TP53I13: variants seen among roughly 807,000 people sequenced by gnomAD.
TP53I13 encodes tumor protein p53-inducible protein 13.
A neutral mutation model predicts 39.1 loss-of-function variants in TP53I13; 27 were observed. That is an observed-to-expected ratio of 0.69 (90% confidence interval 0.51 to 0.95). TP53I13 has a LOEUF of 0.95. TP53I13 is among the 40% of genes least tolerant of loss of function. The probability of loss-of-function intolerance (pLI) is 0.00; values close to 1 mark genes in which losing one functional copy is unlikely to be tolerated. For synonymous variants in TP53I13, 230 were observed against 224.6 expected, an observed-to-expected ratio of 1.02 and a Z score of -0.22; for missense variants, 544 against 520.4, an observed-to-expected ratio of 1.05 and a Z score of -0.44.
chr17:29,575,730 A>C, downstream of TP53I13: 1 of 1,611,576 alleles, frequency 6.2e-7, no homozygotes, highest in Non-Finnish European at 8.5e-7. This position sits in a 1 kb window ranked among gnomAD's most constrained non-coding sequence, Gnocchi z 5.5. Flanking sequence ...AGGGGCTGTG[A>C]GCGCCGTGTT....
chr17:29,575,572 C>A (rs2033163264), downstream of TP53I13: 4 of 1,580,784 alleles, frequency 2.5e-6, no homozygotes, highest in African/African-American at 4.0e-5. The surrounding 1 kb of genome is among the most constrained non-coding windows in gnomAD (Gnocchi z 5.5). Context: ...TGGGGGCCCT[C>A]TCAACCTCCC....
At chr17:29,578,672 G>A in the TP53I13 span, 4 of 1,411,788 alleles carry the variant, frequency 2.8e-6, no homozygotes, top group Non-Finnish European at 4.0e-6. Flanking sequence ...AAGAGCAGAG[G>A]GTGGGGGATC....
In TP53I13 at chr17:29,573,039, C is replaced by A; in HGVS notation, c.*115C>A. On this transcript the variant is annotated 3_prime_UTR_variant, in exon 7 of 7. Transcript: ENST00000301057. ...CTGGTGGCGATGGCGCGGCACTGGC[C>A]GAGCACTGCGGGGGCTTTCCTCCTT... The A allele has an allele frequency of 3.6e-6, 3 of 836,588 alleles. No individual in the cohort carries two copies. Among genetic ancestry groups the A allele is most frequent in the Non-Finnish European group, 1.7e-6 (1 of 602,316 alleles). 51.8% of individuals were successfully genotyped at this position (836,588 alleles called of 1,614,324 possible). A position where few individuals can be genotyped will look rare whatever the true frequency, so the allele number is the denominator to read the frequency against.
downstream of TP53I13, chr17:29,575,753 C>A (rs2033169845): frequency 1.3e-6 from 2 of 1,599,668 alleles, no homozygotes; most frequent in South Asian, 1.1e-5. The surrounding 1 kb of genome is among the most constrained non-coding windows in gnomAD (Gnocchi z 5.5). Flanking sequence ...TGGACCCACA[C>A]TGCCCCTAGC....
chr17:29,573,104 C>T lies in TP53I13; in HGVS notation c.*180C>T, dbSNP rs890612807. On this transcript the variant is annotated 3_prime_UTR_variant, in exon 7 of 7. Transcript: ENST00000301057. The stretch of plus-strand genomic sequence containing the variant: ...GGGCGGCCAAGGGGAGAAAAGGAGC[C>T]GCTTCTGCCTCCCTTGCCAAAACTC... 3 of 451,998 alleles carry T rather than the reference C, an allele frequency of 6.6e-6. No individual in the cohort carries two copies. Among genetic ancestry groups the T allele is most frequent in the African/African-American group, 6.2e-5 (3 of 48,470 alleles). The allele number at this position is 451,998 out of a possible 1,614,324, so 28.0% of individuals were successfully genotyped here. A position where few individuals can be genotyped will look rare whatever the true frequency, so the allele number is the denominator to read the frequency against.
At chr17:29,574,846 A>G, downstream of TP53I13, 1 of 1,602,334 alleles carries the variant, frequency 6.2e-7, no homozygotes, top group Non-Finnish European at 8.5e-7. Flanking sequence ...TCCGGCACTC[A>G]CTCTGCAGCC....
chr17:29,574,366 T>G, downstream of TP53I13: 3 of 333,066 alleles, frequency 9.0e-6, no homozygotes, highest in East Asian at 7.1e-5. Context: ...CTGCCCCACT[T>G]GGAGTGTCCC....
the TP53I13 span, among the ~76,000 whole-genome samples, chr17:29,580,326 G>C: frequency 6.6e-6 from 1 of 152,220 alleles, no homozygotes; most frequent in Non-Finnish European, 1.5e-5. Context: ...AGAAGTAGGA[G>C]CCTTGGGGTC....
At chr17:29,580,581 C>T in the TP53I13 span, among the ~76,000 whole-genome samples, 1 of 152,194 alleles carries the variant, frequency 6.6e-6, no homozygotes, top group Non-Finnish European at 1.5e-5. Context: ...CCTCATTCAA[C>T]CAGCCTCAGC....
chr17:29,574,470 T>C, downstream of TP53I13: 1 of 593,158 alleles, frequency 1.7e-6, no homozygotes, highest in South Asian at 1.9e-5. Flanking sequence ...AGATGCTATA[T>C]ACAGAGGGGA....
the TP53I13 span, chr17:29,578,407 C>T: frequency 1.3e-6 from 2 of 1,593,996 alleles, no homozygotes; most frequent in Non-Finnish European, 1.7e-6. Context: ...TTGTCAGATG[C>T]ATCGGCTCCC....
downstream of TP53I13, chr17:29,575,720 A>C (rs200441109): frequency 1.6e-4 from 252 of 1,612,290 alleles, 1 homozygote; most frequent in East Asian, 4.5e-3. This position sits in a 1 kb window ranked among gnomAD's most constrained non-coding sequence, Gnocchi z 5.5. Flanking sequence ...GGCGGAGGGA[A>C]GGGGCTGTGA....
intron 3 of TP53I13, chr17:29,571,314 T>C: frequency 2.2e-6 from 1 of 449,660 alleles, no homozygotes; most frequent in Non-Finnish European, 4.0e-6. Context: ...CAGGGAAATA[T>C]GGCTAGAGTG....
At chr17:29,569,404 A>C (rs2032841218) in intron 3 of TP53I13, 45 bp downstream of exon 3, 1 of 1,593,730 alleles carries the variant, frequency 6.3e-7, no homozygotes. Flanking sequence ...CCACGCCTGG[A>C]GACAGGCGCT....
Position 29,572,485 on chromosome 17 carries a change from A to T in TP53I13, c.857A>T (p.Gln286Leu). The part of the protein sequence containing the change: ...GSPGGCVCSS[Q>L]ASPAPRAAAP... ...CCAGGGGGCTGTGTCTGTTCAAGTC[A>T]GGCTTCCCCGGCCCCTCGCGCAGCA... is the stretch of plus-strand genomic sequence containing the variant. Residue 286 changes from glutamine to leucine, a missense_variant, in exon 6 of 7, where the codon CAG becomes CTG. By Grantham distance (113) the Gln-to-Leu change is moderately radical. Transcript: ENST00000301057. 6.3e-7 allele frequency: 1 copy of T among 1,599,148 alleles called. No individual in the cohort carries two copies. The highest frequency in any genetic ancestry group is 1.3e-5 in the African/African-American group (1 of 74,722).
At chr17:29,576,981 G>C (rs2033231547), downstream of TP53I13, 5 of 1,602,854 alleles carry the variant, frequency 3.1e-6, no homozygotes, top group Non-Finnish European at 4.2e-6. Flanking sequence ...GCTCCGCAGA[G>C]ACAGCTCGAG....
downstream of TP53I13, chr17:29,575,403 C>A (rs2033155638): frequency 6.2e-7 from 1 of 1,613,600 alleles, no homozygotes; most frequent in Non-Finnish European, 8.5e-7. The surrounding 1 kb of genome is among the most constrained non-coding windows in gnomAD (Gnocchi z 5.5). Flanking sequence ...AGGTCTCCAT[C>A]CAGGCTTTCC....
chr17:29,568,665 C>CGGCGCGGG (rs2032794243), upstream of TP53I13: 4 of 431,740 alleles, frequency 9.3e-6, no homozygotes, highest in Non-Finnish European at 1.1e-5. The surrounding 1 kb of genome is among the most constrained non-coding windows in gnomAD (Gnocchi z 4.5). Context: ...GCGGCGCGGG[C>CGGCGCGGG]GGCGCGGGGG....
At chr17:29,572,090 T>A (rs752201101) in intron 5 of TP53I13, 33 bp downstream of exon 5, 3 of 1,611,828 alleles carry the variant, frequency 1.9e-6, no homozygotes, top group Non-Finnish European at 2.5e-6. Flanking sequence ...TTGTTGGCCC[T>A]CGGGTTCTCT....
Sources: allele counts gnomAD v4.1 joint callset (sites outside exome capture counted in the v4.1 genomes callset), GRCh38; gene constraint gnomAD v4.1.1; non-coding constraint Gnocchi (gnomAD v3.1); transcripts MANE v1.5; gene names NCBI Gene and HGNC (gene_info 2026-07-23, HGNC 2026-07-21).